Variants in BTBD9 observed in about 807,000 individuals in gnomAD.
BTBD9 encodes BTB domain containing 9.
BTBD9 carries 49 observed loss-of-function variants against 64.3 expected under a neutral mutation model. The observed-to-expected ratio is 0.76, with a 90% confidence interval of 0.61 to 0.97. The LOEUF (loss-of-function observed/expected upper bound fraction) is 0.97, where lower values mean the gene tolerates loss of function less well. Among genes scored for constraint, BTBD9 ranks in the 50% least tolerant of loss-of-function variants. The pLI, the probability that BTBD9 is intolerant of heterozygous loss-of-function variation, is 0.00. For missense variants in BTBD9, 598 were observed against 762.1 expected (o/e 0.78, Z 2.53); for synonymous variants, 260 against 274.7 (o/e 0.95, Z 0.53).
chr6:38,463,627 T>G (rs766805825), intron 6 of BTBD9, among the ~76,000 whole-genome samples: 2 of 152,226 alleles, frequency 1.3e-5, no homozygotes, highest in African/African-American at 2.4e-5. Context: ...GATCACATGA[T>G]GTTTAGTTTG....
At chr6:38,402,430 A>G (rs554258454) in intron 6 of BTBD9, among the ~76,000 whole-genome samples, 1 of 152,216 alleles carries the variant, frequency 6.6e-6, no homozygotes, top group African/African-American at 2.4e-5. Flanking sequence ...CCTGATTTTA[A>G]AACTTATGAC....
At chr6:38,222,767 G>C (rs2127509525) in intron 9 of BTBD9, among the ~76,000 whole-genome samples, 2 of 152,292 alleles carry the variant, frequency 1.3e-5, no homozygotes, top group Non-Finnish European at 2.9e-5. Flanking sequence ...TAAATGTAAA[G>C]ATAGACAGAC....
chr6:38,465,105 A>T (rs1327935604), intron 6 of BTBD9, among the ~76,000 whole-genome samples: 2 of 151,922 alleles, frequency 1.3e-5, no homozygotes, highest in Non-Finnish European at 2.9e-5. Context: ...CAGCCTAGGC[A>T]ACATAGTGAG....
intron 6 of BTBD9, among the ~76,000 whole-genome samples, chr6:38,447,241 G>T (rs1344137083): frequency 6.6e-6 from 1 of 152,164 alleles, no homozygotes; most frequent in Non-Finnish European, 1.5e-5. Context: ...ATGGAAACAT[G>T]CATGGCCCAT....
At chr6:38,537,152 C>T (rs989582438) in intron 6 of BTBD9, among the ~76,000 whole-genome samples, 1 of 152,068 alleles carries the variant, frequency 6.6e-6, no homozygotes, top group Non-Finnish European at 1.5e-5. Flanking sequence ...ATTGGAAATA[C>T]TTGTAGACTG....
chr6:38,379,977 A>G (rs1375605604), intron 6 of BTBD9, among the ~76,000 whole-genome samples: 7 of 152,200 alleles, frequency 4.6e-5, no homozygotes, highest in Non-Finnish European at 1.5e-5. Flanking sequence ...GTATGTATAA[A>G]TGCCCAAAGA....
chr6:38,432,516 G>C (rs529621991), intron 6 of BTBD9, among the ~76,000 whole-genome samples: 2 of 152,106 alleles, frequency 1.3e-5, no homozygotes, highest in East Asian at 3.9e-4. Flanking sequence ...TGTAGGCATA[G>C]TTTCCATAAT....
rs779420125 is a variant in BTBD9 at position 38,192,615 on chromosome 6, C to A, written c.1563-18G>T. 4.3e-6 allele frequency: 7 copies of A among 1,610,244 alleles called. No homozygotes were observed. The highest frequency in any genetic ancestry group is 3.4e-6 in the Non-Finnish European group (4 of 1,177,174). ...GCCAGGACCTGTGAGAGGAAACAAC[C>A]ATTTGCCTGATTAGATGGTGCAGTT... On this transcript the variant is annotated intron_variant, in intron 9 of 10. Transcript: ENST00000481247.
At chr6:38,447,467 G>A (rs1228890054) in intron 6 of BTBD9, among the ~76,000 whole-genome samples, 1 of 152,174 alleles carries the variant, frequency 6.6e-6, no homozygotes, top group Non-Finnish European at 1.5e-5. Context: ...TTCATGTAAA[G>A]CGCACTGACA....
intron 6 of BTBD9, among the ~76,000 whole-genome samples, chr6:38,552,021 C>T (rs1774820945): frequency 6.6e-6 from 1 of 152,172 alleles, no homozygotes; most frequent in South Asian, 2.1e-4. Context: ...CCATTCTCTC[C>T]ATATGCATTT....
intron 2 of BTBD9, among the ~76,000 whole-genome samples, chr6:38,596,644 CA>C (rs1777040963): frequency 6.6e-6 from 1 of 151,738 alleles, no homozygotes; most frequent in South Asian, 2.1e-4. Flanking sequence ...ATTAAAAATA[CA>C]AAAAAATTAG....
In BTBD9 at chr6:38,588,671, T is replaced by TACTTTC. The variant is rs1362712210; in HGVS notation, c.814+3904_814+3905insGAAAGT. 4.0e-5 allele frequency: 8 copies of TACTTTC among 202,066 alleles called. No individual in the cohort carries two copies. The East Asian group carries it at 8.8e-4, about 22-fold the overall frequency. The allele number at this position is 202,066 out of a possible 1,614,324, so 12.5% of individuals were successfully genotyped here. On this transcript the variant is annotated intron_variant, in intron 4 of 10. Transcript: ENST00000481247. ...TCTTTGTTGCTGTTAATTGAAAGTA[T>TACTTTC]AATTTGCTGGAACACAAAGACCAAA...
chr6:38,328,564 C>CGTGTGTGTGTGT (rs201357884), intron 7 of BTBD9, among the ~76,000 whole-genome samples: 2,439 of 130,444 alleles, frequency 0.019, 57 homozygotes, highest in East Asian at 0.079. Flanking sequence ...TTTAAGCCAC[C>CGTGTGTGTGTGT]GTGTGTGTGT....
intron 10 of BTBD9, among the ~76,000 whole-genome samples, chr6:38,185,450 C>T (rs917007772): frequency 5.9e-5 from 9 of 152,140 alleles, no homozygotes; most frequent in African/African-American, 1.9e-4. Context: ...TGCACATTGC[C>T]GTCTATTATG....
rs891351188 is a variant in BTBD9 at position 38,279,925 on chromosome 6, G to A, written c.1454+8347C>T. On this transcript the variant is annotated intron_variant, in intron 8 of 10. Transcript: ENST00000481247. Reference sequence around the variant, plus strand: ...CATATATCCAGCTATATCTTATGATGACTACTTGCCAAGTTCTCCAATCAC... The same window carrying A: ...CATATATCCAGCTATATCTTATGATAACTACTTGCCAAGTTCTCCAATCAC... Among the ~76,000 whole-genome samples, 18 of 152,134 alleles carry A rather than the reference G, an allele frequency of 1.2e-4. 1 individual carries two copies. The highest frequency in any genetic ancestry group is 4.1e-4 in the African/African-American group (17 of 41,452).
chr6:38,593,428 A>G (rs186173821), intron 3 of BTBD9, among the ~76,000 whole-genome samples: 1 of 152,352 alleles, frequency 6.6e-6, no homozygotes, highest in African/African-American at 2.4e-5. Flanking sequence ...TCCAGGTTCT[A>G]GAAGGAACAC....
chr6:38,297,088 T>C (rs1453176046), intron 7 of BTBD9, among the ~76,000 whole-genome samples: 2 of 152,156 alleles, frequency 1.3e-5, no homozygotes, highest in Non-Finnish European at 2.9e-5. Flanking sequence ...TCTCCTGCGG[T>C]CAGGCGCGGT....
chr6:38,234,443 C>A (rs1374185789), intron 9 of BTBD9, among the ~76,000 whole-genome samples: 1 of 152,162 alleles, frequency 6.6e-6, no homozygotes, highest in Non-Finnish European at 1.5e-5. Flanking sequence ...CTCGACCCCA[C>A]ATGGAAGAGT....
chr6:38,338,714 T>C (rs765675913), intron 7 of BTBD9, among the ~76,000 whole-genome samples: 4 of 152,130 alleles, frequency 2.6e-5, no homozygotes, highest in Non-Finnish European at 5.9e-5. Context: ...TAATGCTGAA[T>C]GCCACACTCT....
Sources: gnomAD v4.1 joint callset for allele counts (sites outside exome capture counted in the v4.1 genomes callset) on GRCh38, gnomAD v4.1.1 for gene constraint, MANE v1.5 for transcripts, NCBI Gene and HGNC (gene_info 2026-07-23, HGNC 2026-07-21) for gene names.